The following ZCCHC17 variants were observed in gnomAD, a reference collection of about 807,000 sequenced individuals.
ZCCHC17 encodes zinc finger CCHC-type containing 17.
ZCCHC17 carries 18 observed loss-of-function variants against 30.6 expected under a neutral mutation model. The observed-to-expected ratio is 0.59, with a 90% CI of 0.41 to 0.87. The LOEUF is 0.87. Ranked by LOEUF, ZCCHC17 falls within the 40% of genes least tolerant of loss-of-function variation. ZCCHC17 has a pLI of 0.00. For synonymous variants in ZCCHC17, 88 were observed against 92.4 expected (o/e 0.95, Z 0.27); for missense variants, 263 against 284.2 (o/e 0.93, Z 0.54).
At chr1:31,313,871 C>CT (rs34717953) in intron 2 of ZCCHC17, among the ~76,000 whole-genome samples, 3,829 of 146,330 alleles carry the variant, frequency 0.026, 158 homozygotes, top group African/African-American at 0.087. Context: ...TCTTCTTTCT[C>CT]TTTTTTTTTT....
chr1:31,340,323 T>TTG (rs2148457276), intron 5 of ZCCHC17, among the ~76,000 whole-genome samples: 2 of 147,260 alleles, frequency 1.4e-5, no homozygotes, highest in African/African-American at 4.9e-5. Flanking sequence ...GGGTTTTTTT[T>TTG]TTTTTTTTTT....
chr1:31,302,223 A>G (rs1329849440), intron 1 of ZCCHC17, among the ~76,000 whole-genome samples: 3 of 152,068 alleles, frequency 2.0e-5, no homozygotes, highest in East Asian at 1.9e-4. Context: ...GCGAGACTCC[A>G]TCTTAAAAAA....
chr1:31,360,718 T>C (rs1442807382), intron 7 of ZCCHC17, among the ~76,000 whole-genome samples: 1 of 152,196 alleles, frequency 6.6e-6, no homozygotes, highest in African/African-American at 2.4e-5. Context: ...GCCTTCATCT[T>C]TGAGAGAGAA....
At chr1:31,362,554 G>A (rs1230803154) in intron 7 of ZCCHC17, among the ~76,000 whole-genome samples, 3 of 152,166 alleles carry the variant, frequency 2.0e-5, no homozygotes, top group African/African-American at 7.2e-5. Flanking sequence ...ATAGTTTTGG[G>A]AATGTTCTTT....
chr1:31,321,255 T>C (rs1472216168), intron 3 of ZCCHC17, among the ~76,000 whole-genome samples: 2 of 152,088 alleles, frequency 1.3e-5, no homozygotes, highest in African/African-American at 4.8e-5. Flanking sequence ...CTGATGGTTT[T>C]ATAAGGGGCT....
intron 5 of ZCCHC17, among the ~76,000 whole-genome samples, chr1:31,340,552 G>A (rs1450279581): frequency 2.0e-5 from 3 of 152,092 alleles, no homozygotes; most frequent in African/African-American, 7.2e-5. Flanking sequence ...CCCGACCTCA[G>A]GTGATCTGCC....
At chr1:31,317,068 C>G (rs535777658) in intron 2 of ZCCHC17, among the ~76,000 whole-genome samples, 1 of 149,222 alleles carries the variant, frequency 6.7e-6, no homozygotes, top group Admixed American at 6.7e-5. Context: ...TCTTGTTGCC[C>G]AGGCTGGAGT....
chr1:31,323,286 A>C (rs1274367444), intron 3 of ZCCHC17, among the ~76,000 whole-genome samples: 2 of 152,062 alleles, frequency 1.3e-5, no homozygotes, highest in African/African-American at 4.8e-5. Flanking sequence ...CATTGGAGAA[A>C]ACTGGATAAA....
chr1:31,336,584 C>T lies in ZCCHC17; in HGVS notation c.125-591C>T, dbSNP rs538027663. On this transcript the variant is annotated intron_variant, in intron 3 of 7. Transcript: ENST00000344147. ...TTATGTTGACCAGGCTGGTCTCAAA[C>T]TCCTTGCCTCAAGGTATTCTCCCAT... is the stretch of plus-strand genomic sequence containing the variant. Among the ~76,000 whole-genome samples the T allele has an allele frequency of 2.0e-4, 30 of 152,312 alleles. 1 individual carries two copies. In the South Asian group the frequency reaches 6.2e-3, roughly 32 times the overall value.
At chr1:31,313,338 T>A (rs922229523) in intron 2 of ZCCHC17, among the ~76,000 whole-genome samples, 1 of 152,160 alleles carries the variant, frequency 6.6e-6, no homozygotes, top group African/African-American at 2.4e-5. Context: ...CCTCCCAAAG[T>A]GCTGGGATCA....
At chr1:31,359,333 T>C (rs1639773654) in intron 7 of ZCCHC17, among the ~76,000 whole-genome samples, 1 of 152,100 alleles carries the variant, frequency 6.6e-6, no homozygotes, top group African/African-American at 2.4e-5. Context: ...CTGGCTAATA[T>C]GGTGAAACCC....
intron 2 of ZCCHC17, among the ~76,000 whole-genome samples, chr1:31,312,558 A>G (rs756086923): frequency 2.6e-5 from 4 of 152,000 alleles, no homozygotes; most frequent in Non-Finnish European, 5.9e-5. Flanking sequence ...TTTGAACCTC[A>G]GTTTTCTTGT....
At chr1:31,327,958 A>G (rs1207153820) in intron 3 of ZCCHC17, among the ~76,000 whole-genome samples, 3 of 152,320 alleles carry the variant, frequency 2.0e-5, no homozygotes, top group East Asian at 3.9e-4. Context: ...ACAGATAACA[A>G]ACTTGAACAT....
At chr1:31,320,286 T>A (rs1029300081) in intron 3 of ZCCHC17, among the ~76,000 whole-genome samples, 3 of 152,224 alleles carry the variant, frequency 2.0e-5, no homozygotes, top group African/African-American at 7.2e-5. Context: ...ACTTTATGAT[T>A]CCATTTATAT....
Position 31,298,326 on chromosome 1 carries a change from C to T in ZCCHC17, c.-56+1251C>T, listed in dbSNP as rs182372126. ...GATGGTGGTACCATTCACTCACTAT[C>T]ACGGAATCCCTCAAGCTGGATAGGG... On this transcript the variant is annotated intron_variant, in intron 1 of 7. Transcript: ENST00000344147. Among the ~76,000 whole-genome samples the T allele has an allele frequency of 1.4e-3, 214 of 151,934 alleles. 1 individual carries two copies. Among genetic ancestry groups the T allele is most frequent in the African/African-American group, 4.1e-3 (170 of 41,382 alleles).
chr1:31,316,082 G>GATTT (rs934539816), intron 2 of ZCCHC17, among the ~76,000 whole-genome samples: 45 of 152,214 alleles, frequency 3.0e-4, no homozygotes, highest in African/African-American at 1.0e-3. Flanking sequence ...CTAACTTCCA[G>GATTT]ATTTATTTAT....
At chr1:31,339,960 CTT>C (rs36008834) in intron 5 of ZCCHC17, among the ~76,000 whole-genome samples, 20 of 90,416 alleles carry the variant, frequency 2.2e-4, no homozygotes, top group Admixed American at 4.2e-4. Flanking sequence ...TCTTGGATTT[CTT>C]TTTTTTTTTT....
At chr1:31,306,994 T>G (rs7544952) in intron 1 of ZCCHC17, among the ~76,000 whole-genome samples, 3 of 152,006 alleles carry the variant, frequency 2.0e-5, no homozygotes, top group African/African-American at 7.2e-5. Context: ...CGCACCACCA[T>G]GCCTAGCTAA....
chr1:31,336,547 G>C (rs1174340352), intron 3 of ZCCHC17, among the ~76,000 whole-genome samples: 1 of 152,094 alleles, frequency 6.6e-6, no homozygotes, highest in Non-Finnish European at 1.5e-5. Context: ...AAAAAATAGA[G>C]ATGGGGTCTC....
Sources: gnomAD v4.1 joint callset for allele counts (sites outside exome capture counted in the v4.1 genomes callset) on GRCh38, gnomAD v4.1.1 for gene constraint, MANE v1.5 for transcripts, NCBI Gene and HGNC (gene_info 2026-07-23, HGNC 2026-07-21) for gene names.